The following ERN2 variants were observed in gnomAD, a reference collection of about 807,000 sequenced individuals.
ERN2 encodes endoplasmic reticulum to nucleus signaling 2.
In ERN2, 111 loss-of-function variants were observed where a neutral mutation model predicts 107.9. The ratio of observed to expected loss-of-function variants is 1.03; its 90% CI spans 0.88 to 1.20. The LOEUF (loss-of-function observed/expected upper bound fraction) is 1.20, where lower values mean the gene tolerates loss of function less well. ERN2 is among the 50% of genes most tolerant of loss of function. The pLI is 0.00. For missense variants in ERN2, 1,225 were observed against 1,197.9 expected, an observed-to-expected ratio of 1.02 and a Z score of -0.33; for synonymous variants, 524 against 501.7, an observed-to-expected ratio of 1.04 and a Z score of -0.59.
chr16:23,710,239 G>A lies in ERN2; in HGVS notation c.239C>T (p.Ala80Val). The A allele has an allele frequency of 6.2e-7, 1 of 1,613,632 alleles. No homozygotes were observed. ...IEGPMYVTEM[A>V]FLSDPADGSL... ...GCCATCTGCTGGGTCAGAGAGAAAG[G>A]CCATTCTGTGGAGCAGAGAGAAACA... Residue 80 changes from alanine to valine, a missense_variant, in exon 4 of 22, where the codon GCC (alanine) becomes GTC (valine). By Grantham distance (64) the Ala-to-Val change is moderately conservative (BLOSUM62 0). Coordinates refer to ENST00000256797, the MANE Select transcript of ERN2 (RefSeq NM_033266.4).
chr16:23,699,068 G>A (rs922100283), intron 13 of ERN2, among the ~76,000 whole-genome samples: 5 of 152,140 alleles, frequency 3.3e-5, no homozygotes, highest in Non-Finnish European at 5.9e-5. Context: ...GCGTTTTGGG[G>A]TACAGTGGGG....
rs1959551517 is a variant in ERN2, at chr16:23,690,798, C to G, written c.*33G>C. 1 of 1,567,588 alleles carries G rather than the reference C, an allele frequency of 6.4e-7. No homozygotes were observed. ...CAGGCTCAGCTCTTCAGTGAGCCAGCACGGAGACCATCTGTGTGGCATCCA... is the reference window on the plus strand; with the variant it reads ...CAGGCTCAGCTCTTCAGTGAGCCAGGACGGAGACCATCTGTGTGGCATCCA... On this transcript the variant is annotated 3_prime_UTR_variant, in exon 22 of 22. Coordinates refer to ENST00000256797, the MANE Select transcript of ERN2 (RefSeq NM_033266.4).
rs975407310 is a variant in ERN2 at position 23,700,448 on chromosome 16, A to G, written c.1525+91T>C. ...TTCATGTAGACCTAACCACCCCACT[A>G]TAGTGGCTTTTAATAAACCAGCTTT... On this transcript the variant is annotated intron_variant, in intron 13 of 21. Coordinates refer to ENST00000256797, the MANE Select transcript of ERN2 (RefSeq NM_033266.4). 7 of 1,328,208 alleles carry G rather than the reference A, an allele frequency of 5.3e-6. No homozygotes were observed. The Admixed American group carries it at 6.5e-5, about 12-fold the overall frequency. The allele number at this position is 1,328,208 out of a possible 1,614,324, so 82.3% of individuals were successfully genotyped here. A position where few individuals can be genotyped will look rare whatever the true frequency, so the allele number is the denominator to read the frequency against.
chr16:23,712,546 T>C (rs1567257089), intron 1 of ERN2: 3 of 153,980 alleles, frequency 1.9e-5, no homozygotes, highest in African/African-American at 7.2e-5. Context: ...AGGCGACTTT[T>C]GCCTCCTGGC....
chr16:23,704,737 G>T, intron 8 of ERN2, 146 bp downstream of exon 8: 1 of 945,572 alleles, frequency 1.1e-6, no homozygotes, highest in Non-Finnish European at 1.6e-6. Flanking sequence ...TTACCAACCA[G>T]TTGGGTAAGT....
At chr16:23,707,283 C>T in intron 4 of ERN2, 1 of 577,328 alleles carries the variant, frequency 1.7e-6, no homozygotes. Flanking sequence ...GCCTTGAACC[C>T]AGGCAGTCAG....
rs550539237 is a variant in ERN2 at position 23,710,221 on chromosome 16, G to T, written c.257C>A (p.Ala86Glu). The change falls in exon 4 of 22, where the codon GCA becomes GAA. Residue 86 changes from alanine (A) to glutamate (E), a missense_variant. Coordinates refer to ENST00000256797, the MANE Select transcript of ERN2 (RefSeq NM_033266.4). Reference protein sequence around the residue: ...VTEMAFLSDPADGSLYILGTQ... With the variant: ...VTEMAFLSDPEDGSLYILGTQ... ...CCCCAAGATGTACAGGCTGCCATCTGCTGGGTCAGAGAGAAAGGCCATTCT... is the reference window on the plus strand; with the variant it reads ...CCCCAAGATGTACAGGCTGCCATCTTCTGGGTCAGAGAGAAAGGCCATTCT... 1 of 1,613,844 alleles carries T rather than the reference G, an allele frequency of 6.2e-7. No homozygotes were observed. Among genetic ancestry groups the T allele is most frequent in the Admixed American group, 1.7e-5 (1 of 60,016 alleles).
intron 15 of ERN2, 38 bp from the exon 16 acceptor site, chr16:23,695,156 C>G: frequency 6.2e-7 from 1 of 1,613,812 alleles, no homozygotes; most frequent in South Asian, 1.1e-5. Flanking sequence ...ACTCTCCAGC[C>G]CGGACCTTCC....
At chr16:23,696,269 A>C (rs1374950905) in intron 13 of ERN2, among the ~76,000 whole-genome samples, 1 of 152,226 alleles carries the variant, frequency 6.6e-6, no homozygotes, top group Admixed American at 6.5e-5. Context: ...GTGAGGATTA[A>C]ATGGATATAT....
chr16:23,711,047 C>G, intron 1 of ERN2, 29 bp from the exon 2 acceptor site: 1 of 1,523,120 alleles, frequency 6.6e-7, no homozygotes, highest in African/African-American at 1.4e-5. Context: ...AAAGTCAGCT[C>G]TCTGAGGGGT....
chr16:23,695,011 G>GC lies in ERN2; in HGVS notation c.1900+7dup. On this transcript the variant is annotated splice_region_variant and intron_variant, in intron 16 of 21. Transcript: ENST00000256797. ...ACAGGGAGCGGGAGGCAGGGGAAGT[G>GC]CGGGTACCTATGTGTAAAGAGTGCA... 6.2e-7 allele frequency: 1 copy of GC among 1,613,108 alleles called. No homozygotes were observed.
intron 17 of ERN2, 74 bp downstream of exon 17, chr16:23,694,654 G>T: frequency 7.8e-7 from 1 of 1,289,032 alleles, no homozygotes; most frequent in Non-Finnish European, 1.1e-6. Flanking sequence ...TCCTCAGGAG[G>T]GGAACTGGGA....
chr16:23,694,990 G>T, intron 16 of ERN2, 29 bp downstream of exon 16: 2 of 1,613,150 alleles, frequency 1.2e-6, no homozygotes, highest in Non-Finnish European at 1.7e-6. Context: ...CTAAGGACAG[G>T]GAGCGGGAGG....
At position 23,704,902 on chromosome 16, in the gene ERN2, T is replaced by C; in HGVS notation, c.835A>G (p.Thr279Ala). 1.2e-6 allele frequency: 2 copies of C among 1,611,126 alleles called. No individual in the cohort carries two copies. Among genetic ancestry groups the C allele is most frequent in the Non-Finnish European group, 1.7e-6 (2 of 1,179,980 alleles). ...ACCTACAGCAGCTGGGTGTCCAAGGTAGAGAAGAGGGTGGCTGTGTCCCGG... is the reference window on the plus strand; with the variant it reads ...ACCTACAGCAGCTGGGTGTCCAAGGCAGAGAAGAGGGTGGCTGTGTCCCGG... ...GPRDTATLFS[T>A]LDTQLLMTLY... Residue 279 changes from threonine to alanine, a missense_variant, in exon 8 of 22, where the codon ACC (threonine) becomes GCC (alanine). Coordinates refer to ENST00000256797, the MANE Select transcript of ERN2 (RefSeq NM_033266.4).
At chr16:23,707,246 C>T (rs1326136644) in intron 4 of ERN2, 167 bp from the exon 5 acceptor site, 1 of 628,522 alleles carries the variant, frequency 1.6e-6, no homozygotes, top group African/African-American at 1.8e-5. Flanking sequence ...TGGCTAATGT[C>T]ACACAGCTAC....
In ERN2 at chr16:23,694,920, C is replaced by G; in HGVS notation, c.1908G>C (p.Arg636=). ...TGAGAATATTTCCTGGCTTCAGGTC[C>G]CGGTGCACTGTGGGAGAGGGGCAGA... ...AHLHSLHIVH[R]DLKPGNILIT... Residue 636 remains arginine, a synonymous_variant, in exon 17 of 22, where the codon CGG becomes CGC. Coordinates refer to ENST00000256797, the MANE Select transcript of ERN2 (RefSeq NM_033266.4). The G allele has an allele frequency of 4.3e-6, 7 of 1,614,144 alleles. No individual in the cohort carries two copies. The highest frequency in any genetic ancestry group is 4.0e-5 in the African/African-American group (3 of 75,034).
Position 23,710,524 on chromosome 16 carries a change from G to C in ERN2, c.225C>G (p.Tyr75Ter). Residue 75 changes from tyrosine to a stop codon, truncating the protein, a stop_gained, in exon 3 of 22, where the codon TAC becomes TAG. Coordinates refer to ENST00000256797, the MANE Select transcript of ERN2 (RefSeq NM_033266.4). LOFTEE classifies it high-confidence loss of function. ...RDDPVIEGPMYVTEMAFLSDP... is the reference protein window; with the variant it reads ...RDDPVIEGPM ...GCCCCAGGTTCACTTACTCTGTGACGTACATTGGTCCTTCGATGACGGGAT... is the reference window on the plus strand; with the variant it reads ...GCCCCAGGTTCACTTACTCTGTGACCTACATTGGTCCTTCGATGACGGGAT... 3 of 1,614,124 alleles carry C rather than the reference G, an allele frequency of 1.9e-6. No individual in the cohort carries two copies. Among genetic ancestry groups the C allele is most frequent in the Non-Finnish European group, 2.5e-6 (3 of 1,180,002 alleles).
rs937983569 is a variant in ERN2 at position 23,706,725 on chromosome 16, G to C, written c.487+29C>G. ...AGAGCAAAAGGGGAGGCTGCCCAGA[G>C]CTTGAGGAACAGCTGGGGCCCAACT... On this transcript the variant is annotated intron_variant, in intron 6 of 21. Coordinates refer to ENST00000256797, the MANE Select transcript of ERN2 (RefSeq NM_033266.4). 9 of 1,485,426 alleles carry C rather than the reference G, an allele frequency of 6.1e-6. No homozygotes were observed. In the African/African-American group the frequency reaches 9.8e-5, roughly 16 times the overall value. 92.0% of individuals were successfully genotyped at this position (1,485,426 alleles called of 1,614,324 possible).
Position 23,692,165 on chromosome 16 carries a change from C to T in ERN2, c.2248+19G>A. 6.2e-7 allele frequency: 1 copy of T among 1,614,012 alleles called. No individual in the cohort carries two copies. The highest frequency in any genetic ancestry group is 8.5e-7 in the Non-Finnish European group (1 of 1,180,026). ...TCTTGCCCGTCCTCCCTTCTCTGCCCTGCCCAGGGCTCCCTCACCGTGGAC... is the reference window on the plus strand; with the variant it reads ...TCTTGCCCGTCCTCCCTTCTCTGCCTTGCCCAGGGCTCCCTCACCGTGGAC... On this transcript the variant is annotated intron_variant, in intron 18 of 21. Transcript: ENST00000256797.
Sources: allele counts gnomAD v4.1 joint callset (sites outside exome capture counted in the v4.1 genomes callset), GRCh38; gene constraint gnomAD v4.1.1; transcripts MANE v1.5; gene names NCBI Gene and HGNC (gene_info 2026-07-23, HGNC 2026-07-21).